LMX1A: variants seen among roughly 807,000 people sequenced by gnomAD.
LMX1A encodes LIM homeobox transcription factor 1 alpha, also known as LIM homeobox transcription factor 1-alpha.
LMX1A carries 15 observed loss-of-function variants against 49.1 expected under a neutral mutation model. That is an observed-to-expected ratio of 0.31 (90% CI 0.20 to 0.47). LMX1A has a LOEUF of 0.47. Ranked by LOEUF, LMX1A falls within the 20% of genes least tolerant of loss-of-function variation. LMX1A has a pLI of 1.00. For missense variants in LMX1A, 372 were observed against 475.8 expected (o/e 0.78, Z 2.03); for synonymous variants, 167 against 185.7 (o/e 0.90, Z 0.82).
Position 165,205,871 on chromosome 1 carries a change from G to A in LMX1A, c.981C>T (p.His327=), listed in dbSNP as rs116535186. The A allele has an allele frequency of 1.0e-4, 168 of 1,613,876 alleles. No homozygotes were observed. In the African/African-American group the frequency reaches 2.1e-3, roughly 20 times the overall value. ...TPPQMPGDHM[H]PYGAEPLFHD... ...GGCTTAAGTCCCTCTTACCATAAGG[G>A]TGCATGTGGTCTCCAGGCATCTGGG... Residue 327 remains histidine (H), a synonymous_variant, in exon 8 of 9, where the codon CAC becomes CAT. Coordinates refer to ENST00000342310, the MANE Select transcript of LMX1A (RefSeq NM_177398.4).
intron 3 of LMX1A, among the ~76,000 whole-genome samples, chr1:165,330,238 C>T (rs1655706272): frequency 6.6e-6 from 1 of 152,192 alleles, no homozygotes; most frequent in South Asian, 2.1e-4. Flanking sequence ...CTTTGGAAGG[C>T]AAAGGCTGGA....
intron 3 of LMX1A, among the ~76,000 whole-genome samples, chr1:165,290,829 C>A (rs1654448011): frequency 1.3e-5 from 2 of 152,196 alleles, no homozygotes; most frequent in African/African-American, 4.8e-5. Flanking sequence ...TGCCCCCCAC[C>A]CACCTTCTGA....
chr1:165,269,779 A>C (rs1053801550), intron 3 of LMX1A, among the ~76,000 whole-genome samples: 1 of 152,184 alleles, frequency 6.6e-6, no homozygotes, highest in Non-Finnish European at 1.5e-5. Context: ...TATTCTCAGC[A>C]AACTGTTGCA....
chr1:165,243,796 T>C (rs1469549104), intron 4 of LMX1A, among the ~76,000 whole-genome samples: 2 of 152,246 alleles, frequency 1.3e-5, no homozygotes, highest in Non-Finnish European at 2.9e-5. Flanking sequence ...CAAGGGCTCC[T>C]GTGATATTGT....
At chr1:165,303,995 C>T (rs1258902610) in intron 3 of LMX1A, among the ~76,000 whole-genome samples, 1 of 151,908 alleles carries the variant, frequency 6.6e-6, no homozygotes, top group Admixed American at 6.6e-5. Context: ...GGTGCACAAA[C>T]CCTGGGCCTG....
intron 3 of LMX1A, among the ~76,000 whole-genome samples, chr1:165,266,469 T>C (rs565926201): frequency 6.6e-6 from 1 of 152,190 alleles, no homozygotes; most frequent in Non-Finnish European, 1.5e-5. Context: ...AGGGAAAGGC[T>C]AGATAGGTCA....
At chr1:165,333,495 G>A (rs757402478) in intron 3 of LMX1A, among the ~76,000 whole-genome samples, 34 of 151,960 alleles carry the variant, frequency 2.2e-4, no homozygotes, top group Non-Finnish European at 1.3e-4. Flanking sequence ...TATCCTTCAA[G>A]GATTCACTCA....
At chr1:165,354,993 C>T (rs1449174186) in intron 2 of LMX1A, among the ~76,000 whole-genome samples, 2 of 152,104 alleles carry the variant, frequency 1.3e-5, no homozygotes, top group African/African-American at 2.4e-5. Context: ...CTAATCCCCG[C>T]GCTGCGTTGC....
chr1:165,346,100 G>C (rs142552652), intron 3 of LMX1A, among the ~76,000 whole-genome samples: 55 of 152,306 alleles, frequency 3.6e-4, no homozygotes, highest in Admixed American at 1.7e-3. Flanking sequence ...GGACACTTAA[G>C]ATATTTTTAA....
At chr1:165,239,014 C>T (rs1388555261) in intron 4 of LMX1A, among the ~76,000 whole-genome samples, 1 of 152,158 alleles carries the variant, frequency 6.6e-6, no homozygotes, top group Non-Finnish European at 1.5e-5. Context: ...TAAAGTAATG[C>T]TTTGTGCAGA....
intron 1 of LMX1A, 110 bp downstream of exon 1, chr1:165,356,245 C>T (rs983975445): frequency 2.0e-5 from 3 of 152,308 alleles, no homozygotes; most frequent in Non-Finnish European, 4.4e-5. Context: ...AAAAGAGTCG[C>T]CTCGGGGAGG....
intron 3 of LMX1A, among the ~76,000 whole-genome samples, chr1:165,261,778 CA>C (rs1459300782): frequency 1.3e-5 from 2 of 152,100 alleles, no homozygotes; most frequent in African/African-American, 4.8e-5. Context: ...AAGACAGTCA[CA>C]AAAGACAAAT....
chr1:165,354,902 A>G (rs951235126), intron 2 of LMX1A, among the ~76,000 whole-genome samples: 24 of 151,944 alleles, frequency 1.6e-4, no homozygotes, highest in Non-Finnish European at 7.3e-5. Flanking sequence ...GTCGCTGCAA[A>G]GGAGTTGTGA....
At chr1:165,248,179 A>G (rs1652925722) in intron 4 of LMX1A, among the ~76,000 whole-genome samples, 1 of 152,240 alleles carries the variant, frequency 6.6e-6, no homozygotes, top group Admixed American at 6.5e-5. Context: ...CCTTTTGGAT[A>G]AGCTAGCAGG....
At chr1:165,337,885 T>TG (rs370393006) in intron 3 of LMX1A, among the ~76,000 whole-genome samples, 3,858 of 94,356 alleles carry the variant, frequency 0.041, 177 homozygotes, top group African/African-American at 0.12. Context: ...TGTGTGTGTG[T>TG]TTCTGTGTGT....
At chr1:165,267,524 T>C (rs1337308783) in intron 3 of LMX1A, among the ~76,000 whole-genome samples, 5 of 152,202 alleles carry the variant, frequency 3.3e-5, no homozygotes, top group Admixed American at 3.3e-4. Flanking sequence ...TGTTTTCAAT[T>C]CTTTCATCCT....
chr1:165,345,474 T>A (rs369346123), intron 3 of LMX1A, among the ~76,000 whole-genome samples: 2 of 152,220 alleles, frequency 1.3e-5, no homozygotes, highest in East Asian at 3.8e-4. Flanking sequence ...ATGACTCTCC[T>A]GGTTTATTGG....
At chr1:165,319,036 CACA>C (rs1557883303) in intron 3 of LMX1A, among the ~76,000 whole-genome samples, 2 of 145,714 alleles carry the variant, frequency 1.4e-5, no homozygotes, top group Non-Finnish European at 3.1e-5. Context: ...CACACACACA[CACA>C]CACCCCAACT....
intron 4 of LMX1A, among the ~76,000 whole-genome samples, chr1:165,228,765 A>G (rs1053396951): frequency 6.6e-6 from 1 of 152,224 alleles, no homozygotes; most frequent in Admixed American, 6.5e-5. Context: ...ATTGGAAATT[A>G]GTACTAAAGT....
Sources: gnomAD v4.1 joint callset for allele counts (sites outside exome capture counted in the v4.1 genomes callset) on GRCh38, gnomAD v4.1.1 for gene constraint, MANE v1.5 for transcripts, NCBI Gene and HGNC (gene_info 2026-07-23, HGNC 2026-07-21) for gene names.